RBFOX3: variants seen among roughly 807,000 people sequenced by gnomAD.
RBFOX3 encodes the protein RNA binding protein fox-1 homolog 3.
RBFOX3 carries 17 observed loss-of-function variants against 48.7 expected under a neutral mutation model. That is an observed-to-expected ratio of 0.35 (90% CI 0.24 to 0.52). The LOEUF is 0.52. RBFOX3 is among the 20% of genes least tolerant of loss of function. The pLI is 0.94. For synonymous variants in RBFOX3, 212 were observed against 209.5 expected (o/e 1.01, Z -0.10); for missense variants, 382 against 497.5 (o/e 0.77, Z 2.21).
intron 2 of RBFOX3, among the ~76,000 whole-genome samples, chr17:79,396,385 T>C (rs2061997258): frequency 6.6e-6 from 1 of 152,216 alleles, no homozygotes; most frequent in Non-Finnish European, 1.5e-5. Flanking sequence ...CTGCTCATCC[T>C]GGCCTTGCCC....
chr17:79,321,728 C>T (rs986796510), intron 2 of RBFOX3, among the ~76,000 whole-genome samples: 42 of 125,872 alleles, frequency 3.3e-4, no homozygotes, highest in African/African-American at 1.1e-3. Flanking sequence ...TTTTTATAGA[C>T]GGAGTCTCAC....
intron 1 of RBFOX3, among the ~76,000 whole-genome samples, chr17:79,603,483 C>T (rs1244002613): frequency 6.6e-6 from 1 of 152,236 alleles, no homozygotes; most frequent in Non-Finnish European, 1.5e-5. Flanking sequence ...TTCCTAAGGA[C>T]ATGAGCTGCT....
intron 5 of RBFOX3, among the ~76,000 whole-genome samples, chr17:79,108,241 C>T (rs753277): frequency 0.38 from 57,928 of 151,988 alleles, 11,156 homozygotes; most frequent in Middle Eastern, 0.5. Context: ...CTTTCTGGAG[C>T]GGCCGTAGAG....
chr17:79,497,857 C>T (rs1390331558), intron 1 of RBFOX3, among the ~76,000 whole-genome samples: 7 of 152,214 alleles, frequency 4.6e-5, no homozygotes, highest in African/African-American at 1.4e-4. Flanking sequence ...TGCCCAAGAC[C>T]TCCCCAGGTT....
At chr17:79,631,446 G>C in the RBFOX3 span, among the ~76,000 whole-genome samples, 3 of 152,248 alleles carry the variant, frequency 2.0e-5, no homozygotes, top group East Asian at 5.8e-4. Flanking sequence ...GCCAGTGTCA[G>C]ACACCAGCTT....
intron 2 of RBFOX3, among the ~76,000 whole-genome samples, chr17:79,337,371 A>G (rs1261786080): frequency 6.6e-6 from 1 of 152,190 alleles, no homozygotes; most frequent in Non-Finnish European, 1.5e-5. Context: ...CGCACAGCAC[A>G]GCTGCATCCG....
intron 12 of RBFOX3, 121 bp downstream of exon 12, chr17:79,096,532 G>T: frequency 1.2e-6 from 1 of 860,402 alleles, no homozygotes. Context: ...CGCCCTCCTG[G>T]CTTCAAGGGT....
the RBFOX3 span, among the ~76,000 whole-genome samples, chr17:79,660,459 T>C: frequency 1.3e-5 from 2 of 151,594 alleles, no homozygotes; most frequent in Non-Finnish European, 1.5e-5. Flanking sequence ...CAAGAAAAAA[T>C]CAACCCCATT....
chr17:79,159,042 G>C (rs995791713), intron 4 of RBFOX3, among the ~76,000 whole-genome samples: 2 of 152,240 alleles, frequency 1.3e-5, no homozygotes, highest in Non-Finnish European at 2.9e-5. Context: ...CACAGACAGA[G>C]ACACCAAGGC....
intron 10 of RBFOX3, 80 bp downstream of exon 10, chr17:79,097,612 G>GCC: frequency 1.4e-6 from 1 of 695,184 alleles, no homozygotes; most frequent in Non-Finnish European, 2.2e-6. Flanking sequence ...CGCCCCTCAT[G>GCC]CCCCGCCCCC....
chr17:79,104,978 C>T (rs1395784199), intron 6 of RBFOX3, among the ~76,000 whole-genome samples: 1 of 120,222 alleles, frequency 8.3e-6, no homozygotes, highest in Non-Finnish European at 1.8e-5. Flanking sequence ...GCCTTCTTCC[C>T]TCCCATTGTT....
the RBFOX3 span, among the ~76,000 whole-genome samples, chr17:79,655,123 G>A: frequency 6.6e-6 from 1 of 152,202 alleles, no homozygotes; most frequent in Non-Finnish European, 1.5e-5. Flanking sequence ...TGGAAGCTCA[G>A]GTCAGTCCAC....
At chr17:79,412,268 G>A (rs2064499539) in intron 2 of RBFOX3, among the ~76,000 whole-genome samples, 1 of 150,776 alleles carries the variant, frequency 6.6e-6, no homozygotes, top group Non-Finnish European at 1.5e-5. Context: ...TGTGTGTATG[G>A]TATGTGTGCG....
At chr17:79,106,171 C>T (rs1402659259) in intron 6 of RBFOX3, among the ~76,000 whole-genome samples, 1 of 152,038 alleles carries the variant, frequency 6.6e-6, no homozygotes, top group Non-Finnish European at 1.5e-5. Flanking sequence ...GACTGCCCGG[C>T]CCCCGGGCAC....
At chr17:79,262,555 G>A (rs2065962204) in intron 3 of RBFOX3, among the ~76,000 whole-genome samples, 1 of 152,370 alleles carries the variant, frequency 6.6e-6, no homozygotes, top group South Asian at 2.1e-4. Flanking sequence ...TCTGCTCAGA[G>A]GGCAGGACCC....
At chr17:79,571,362 TGGCTAGGACAGGCTAC>T in intron 1 of RBFOX3, among the ~76,000 whole-genome samples, 1 of 152,170 alleles carries the variant, frequency 6.6e-6, no homozygotes, top group Non-Finnish European at 1.5e-5. Context: ...CTGTCAAGCC[TGGCTAGGACAGGCTAC>T]GGCCAGGCCT....
At chr17:79,171,624 C>CT (rs1194804120) in intron 4 of RBFOX3, among the ~76,000 whole-genome samples, 13 of 136,334 alleles carry the variant, frequency 9.5e-5, no homozygotes, top group East Asian at 2.1e-4. Context: ...CATTTAATTA[C>CT]TTTTTTTTTA....
intron 1 of RBFOX3, among the ~76,000 whole-genome samples, chr17:79,507,157 C>G (rs939300589): frequency 3.3e-5 from 5 of 152,130 alleles, no homozygotes; most frequent in Admixed American, 2.6e-4. Context: ...TTCTCCACAC[C>G]CTGCAGCAGA....
intron 3 of RBFOX3, among the ~76,000 whole-genome samples, chr17:79,283,783 C>T (rs2071180013): frequency 6.6e-6 from 1 of 152,240 alleles, no homozygotes; most frequent in South Asian, 2.1e-4. Context: ...CATCCTGTTT[C>T]TTTGTGCTTT....
Sources: gnomAD v4.1 joint callset for allele counts (sites outside exome capture counted in the v4.1 genomes callset) on GRCh38, gnomAD v4.1.1 for gene constraint, MANE v1.5 for transcripts, NCBI Gene and HGNC (gene_info 2026-07-23, HGNC 2026-07-21) for gene names.